Variants in MEGF11 observed in about 807,000 individuals in gnomAD.
MEGF11 encodes multiple EGF like domains 11, also known as multiple epidermal growth factor-like domains protein 11.
MEGF11 carries 126 observed loss-of-function variants against 146.6 expected under a neutral mutation model. The observed-to-expected ratio is 0.86, with a 90% CI of 0.74 to 1.00. The LOEUF (loss-of-function observed/expected upper bound fraction) is 1.00, where lower values mean the gene tolerates loss of function less well. MEGF11 is among the 50% of genes least tolerant of loss of function. The pLI is 0.00. For missense variants in MEGF11, 1,509 were observed against 1,521.2 expected (o/e 0.99, Z 0.13); for synonymous variants, 532 against 583.4 (o/e 0.91, Z 1.27).
At position 65,990,907 on chromosome 15, in the gene MEGF11, C is replaced by T. The variant is rs117577711; in HGVS notation, c.395-8419G>A. 2.5e-3 allele frequency among the ~76,000 whole-genome samples: 380 copies of T among 152,200 alleles called. 3 individuals carry two copies. In the East Asian group the frequency reaches 0.026, roughly 10 times the overall value. On this transcript the variant is annotated intron_variant, in intron 5 of 25. Coordinates refer to ENST00000395614, the MANE Select transcript of MEGF11 (RefSeq NM_001385028.1). Reference sequence around the variant, plus strand: ...AAAAGAAAAATTGGAGGTGGTTACCCGAGCTCTGAGCTGAGCTATCACTCA... The same window carrying T: ...AAAAGAAAAATTGGAGGTGGTTACCTGAGCTCTGAGCTGAGCTATCACTCA...
chr15:66,052,049 A>G (rs2084468362), intron 5 of MEGF11, among the ~76,000 whole-genome samples: 1 of 152,240 alleles, frequency 6.6e-6, no homozygotes, highest in Admixed American at 6.5e-5. Flanking sequence ...TCATACATGC[A>G]TCATGAGGAG....
chr15:65,913,619 T>C, intron 20 of MEGF11, 118 bp downstream of exon 20: 1 of 883,158 alleles, frequency 1.1e-6, no homozygotes, highest in Middle Eastern at 2.3e-4. Flanking sequence ...CCACTGTCAC[T>C]CTAGGGGAGA....
chr15:66,061,924 C>A (rs1317131120), intron 5 of MEGF11, among the ~76,000 whole-genome samples: 1 of 152,216 alleles, frequency 6.6e-6, no homozygotes, highest in Non-Finnish European at 1.5e-5. Context: ...TGCACACCAC[C>A]ACACTTGGCT....
intron 1 of MEGF11, among the ~76,000 whole-genome samples, chr15:66,189,390 G>A (rs1420405616): frequency 6.6e-6 from 1 of 152,156 alleles, no homozygotes; most frequent in African/African-American, 2.4e-5. Context: ...GCTTTACAGA[G>A]CACCTGCTCA....
intron 5 of MEGF11, among the ~76,000 whole-genome samples, chr15:66,064,214 A>G (rs2085022724): frequency 6.6e-6 from 1 of 152,148 alleles, no homozygotes; most frequent in Admixed American, 6.5e-5. Flanking sequence ...CTAAAAACAC[A>G]GAAAATGAGC....
chr15:65,903,621 C>A (rs912199865), intron 24 of MEGF11, among the ~76,000 whole-genome samples: 1 of 152,198 alleles, frequency 6.6e-6, no homozygotes, highest in Non-Finnish European at 1.5e-5. Flanking sequence ...AACCCACATT[C>A]CTTAACTCCT....
chr15:66,162,688 T>TA (rs1189497489), intron 1 of MEGF11, among the ~76,000 whole-genome samples: 1 of 152,112 alleles, frequency 6.6e-6, no homozygotes, highest in Non-Finnish European at 1.5e-5. Flanking sequence ...TCTAGGATGA[T>TA]AAAAATGTCC....
At chr15:66,017,559 G>A (rs2082932224) in intron 5 of MEGF11, among the ~76,000 whole-genome samples, 1 of 152,112 alleles carries the variant, frequency 6.6e-6, no homozygotes, top group African/African-American at 2.4e-5. Context: ...CGGCCCTGCT[G>A]GTCTGACCCG....
At chr15:65,948,110 GC>G (rs1371750417) in intron 10 of MEGF11, among the ~76,000 whole-genome samples, 1 of 151,882 alleles carries the variant, frequency 6.6e-6, no homozygotes, top group Non-Finnish European at 1.5e-5. Context: ...CTCCCTTTGT[GC>G]CCCCACCGAC....
At chr15:66,166,462 A>G (rs1175371746) in intron 1 of MEGF11, among the ~76,000 whole-genome samples, 1 of 151,986 alleles carries the variant, frequency 6.6e-6, no homozygotes, top group Non-Finnish European at 1.5e-5. Flanking sequence ...AGCCAGGGAG[A>G]GCTTTAAAGA....
At chr15:66,158,070 T>G (rs989776913) in intron 1 of MEGF11, among the ~76,000 whole-genome samples, 3 of 152,216 alleles carry the variant, frequency 2.0e-5, no homozygotes, top group African/African-American at 7.2e-5. Context: ...AAATGTTCAC[T>G]TGCGTGAATG....
intron 5 of MEGF11, among the ~76,000 whole-genome samples, chr15:66,036,077 G>A (rs1485384679): frequency 6.6e-6 from 1 of 152,246 alleles, no homozygotes; most frequent in African/African-American, 2.4e-5. Flanking sequence ...TGATCAGCCT[G>A]TGCAGGCACA....
chr15:66,023,633 G>A (rs1424445840), intron 5 of MEGF11, among the ~76,000 whole-genome samples: 6 of 152,190 alleles, frequency 3.9e-5, no homozygotes, highest in African/African-American at 7.2e-5. Context: ...GTCTCTGCTC[G>A]TTGCAGAGTC....
At chr15:66,209,601 TA>T (rs1251550686) in intron 1 of MEGF11, among the ~76,000 whole-genome samples, 5 of 152,280 alleles carry the variant, frequency 3.3e-5, no homozygotes, top group Non-Finnish European at 5.9e-5. Flanking sequence ...AAACCATGGA[TA>T]AATCAACAAC....
intron 1 of MEGF11, among the ~76,000 whole-genome samples, chr15:66,144,298 A>T (rs969159727): frequency 1.2e-4 from 19 of 152,082 alleles, no homozygotes; most frequent in Non-Finnish European, 1.3e-4. Flanking sequence ...AGCAGCCAAG[A>T]TGGAGAACCA....
In MEGF11 at chr15:65,918,051, G is replaced by A. The variant is rs887520158; in HGVS notation, c.2001C>T (p.Cys667=). Reference sequence around the variant, plus strand: ...TGCAGGTCCCGTTGTTGGCACAGGAGCAGAGCTGGGCACAGTCCTGCCCAA... The same window carrying A: ...TGCAGGTCCCGTTGTTGGCACAGGAACAGAGCTGGGCACAGTCCTGCCCAA... ...GYFGQDCAQL[C]SCANNGTCSP... Residue 667 remains cysteine, a synonymous_variant, in exon 16 of 26, where the codon TGC becomes TGT. Coordinates refer to ENST00000395614, the MANE Select transcript of MEGF11 (RefSeq NM_001385028.1). 7 of 1,613,870 alleles carry A rather than the reference G, an allele frequency of 4.3e-6. No individual in the cohort carries two copies. Among genetic ancestry groups the A allele is most frequent in the South Asian group, 2.2e-5 (2 of 91,084 alleles).
chr15:65,960,703 C>T (rs769175833), intron 9 of MEGF11, among the ~76,000 whole-genome samples: 2 of 152,228 alleles, frequency 1.3e-5, no homozygotes, highest in Non-Finnish European at 2.9e-5. Context: ...ATAGATGCTT[C>T]TGCTGTCTCT....
intron 10 of MEGF11, among the ~76,000 whole-genome samples, chr15:65,931,491 C>G (rs1035406615): frequency 1.3e-5 from 2 of 152,232 alleles, no homozygotes; most frequent in Admixed American, 1.3e-4. Context: ...TGCCAGACTT[C>G]TGACCTTCAG....
chr15:66,247,115 GTTTC>G (rs2092306355), intron 1 of MEGF11, among the ~76,000 whole-genome samples: 1 of 152,146 alleles, frequency 6.6e-6, no homozygotes, highest in Non-Finnish European at 1.5e-5. Flanking sequence ...AAGTGCTGGA[GTTTC>G]AGTATGAGCC....
Sources: allele counts gnomAD v4.1 joint callset (sites outside exome capture counted in the v4.1 genomes callset), GRCh38; gene constraint gnomAD v4.1.1; transcripts MANE v1.5; gene names NCBI Gene and HGNC (gene_info 2026-07-23, HGNC 2026-07-21).